The following CD300LF variants were observed in gnomAD, a reference collection of about 807,000 sequenced individuals.
CD300LF encodes CMRF35-like molecule 1.
A neutral mutation model predicts 32.2 loss-of-function variants in CD300LF; 27 were observed. The observed-to-expected ratio is 0.84, with a 90% CI of 0.62 to 1.15. The LOEUF (loss-of-function observed/expected upper bound fraction) is 1.15. Ranked by LOEUF, CD300LF falls within the 50% of genes most tolerant of loss-of-function variation. The pLI is 0.00. For missense variants in CD300LF, 348 were observed against 356.8 expected, an observed-to-expected ratio of 0.98 and a Z score of 0.20; for synonymous variants, 139 against 143.2, an observed-to-expected ratio of 0.97 and a Z score of 0.21.
chr17:74,705,832 C>T (rs922522079), intron 1 of CD300LF, among the ~76,000 whole-genome samples: 6 of 152,102 alleles, frequency 3.9e-5, no homozygotes, highest in Admixed American at 3.3e-4. Context: ...CGGGCTCAAG[C>T]GATCCACCCA....
intron 3 of CD300LF, among the ~76,000 whole-genome samples, chr17:74,700,726 T>C (rs147471984): frequency 7.2e-5 from 11 of 152,196 alleles, no homozygotes; most frequent in Non-Finnish European, 1.3e-4. Flanking sequence ...CACTCCAGCA[T>C]GGGTGACAGA....
chr17:74,704,668 G>C lies in CD300LF; in HGVS notation c.192C>G (p.Ile64Met). The C allele has an allele frequency of 6.2e-7, 1 of 1,614,138 alleles. No individual in the cohort carries two copies. Among genetic ancestry groups the C allele is most frequent in the Non-Finnish European group, 8.5e-7 (1 of 1,180,034 alleles). ...CRGAIWRDCK[I>M]LVKTSGSEQE... ...GCTCTGACCCACTGGTTTTAACAAGGATCTTGCAGTCACGCCAAATAGCTC... is the reference window on the plus strand; with the variant it reads ...GCTCTGACCCACTGGTTTTAACAAGCATCTTGCAGTCACGCCAAATAGCTC... Residue 64 changes from isoleucine (I) to methionine (M), a missense_variant, in exon 2 of 7, where the codon ATC becomes ATG. Coordinates refer to ENST00000326165, the MANE Select transcript of CD300LF (RefSeq NM_139018.5).
Position 74,695,713 on chromosome 17 carries a change from T to C in CD300LF, c.717+12A>G, listed in dbSNP as rs1333034998. 2 of 1,613,960 alleles carry C rather than the reference T, an allele frequency of 1.2e-6. No homozygotes were observed. The highest frequency in any genetic ancestry group is 1.1e-5 in the South Asian group (1 of 91,068). Reference sequence around the variant, plus strand: ...TGCCCCAGCCTCACAGCAGCCCCCATGGAGGACGCACCATGGTGACATATT... The same window carrying C: ...TGCCCCAGCCTCACAGCAGCCCCCACGGAGGACGCACCATGGTGACATATT... On this transcript the variant is annotated intron_variant, in intron 6 of 6. Coordinates refer to ENST00000326165, the MANE Select transcript of CD300LF (RefSeq NM_139018.5).
chr17:74,698,133 G>A (rs548580945), intron 4 of CD300LF, among the ~76,000 whole-genome samples: 41 of 152,348 alleles, frequency 2.7e-4, no homozygotes, highest in African/African-American at 9.9e-4. Flanking sequence ...GGATCAGAGA[G>A]AAGAGAAGGG....
At chr17:74,703,571 A>G (rs1008668961) in intron 2 of CD300LF, among the ~76,000 whole-genome samples, 1 of 152,202 alleles carries the variant, frequency 6.6e-6, no homozygotes, top group African/African-American at 2.4e-5. Context: ...TGAAATCATC[A>G]TATTCAGGAA....
At chr17:74,709,519 A>G (rs2033793162) in intron 1 of CD300LF, among the ~76,000 whole-genome samples, 1 of 152,142 alleles carries the variant, frequency 6.6e-6, no homozygotes, top group African/African-American at 2.4e-5. Flanking sequence ...TTTATTTTCC[A>G]CAATTAAAAA....
intron 1 of CD300LF, among the ~76,000 whole-genome samples, chr17:74,711,906 C>CTTTTTTTTTTTT (rs71361629): frequency 8.1e-6 from 1 of 123,670 alleles, no homozygotes; most frequent in African/African-American, 3.0e-5. Context: ...TTTCTTTTTT[C>CTTTTTTTTTTTT]TTTTTTTTTT....
Position 74,711,689 on chromosome 17 carries a change from G to C in CD300LF, c.43+1135C>G, listed in dbSNP as rs551088225. On this transcript the variant is annotated intron_variant, in intron 1 of 6. Coordinates refer to ENST00000326165, the MANE Select transcript of CD300LF (RefSeq NM_139018.5). ...TCCCTGTGCCTGGAAAGCTGGTCCC[G>C]ATCCTGTGTCTGATCCTTTTCCTAG... Among the ~76,000 whole-genome samples, 34 of 152,150 alleles carry C rather than the reference G, an allele frequency of 2.2e-4. No individual in the cohort carries two copies. In the East Asian group the frequency reaches 5.6e-3, roughly 25 times the overall value.
chr17:74,704,466 A>G lies in CD300LF; in HGVS notation c.382+12T>C, dbSNP rs768091668. On this transcript the variant is annotated intron_variant, in intron 2 of 6. Coordinates refer to ENST00000326165, the MANE Select transcript of CD300LF (RefSeq NM_139018.5). ...CCCTGAGAGACACACACATATATAC[A>G]CTCCCTCTTACCTGGGTCAATGGTC... The G allele has an allele frequency of 6.3e-7, 1 of 1,589,588 alleles. No homozygotes were observed. Among genetic ancestry groups the G allele is most frequent in the Non-Finnish European group, 8.6e-7 (1 of 1,162,700 alleles).
chr17:74,699,694 C>T (rs2143655260), intron 3 of CD300LF, among the ~76,000 whole-genome samples: 1 of 152,272 alleles, frequency 6.6e-6, no homozygotes, highest in East Asian at 1.9e-4. Flanking sequence ...CAATTCCTGG[C>T]CTCCTTAGCT....
intron 3 of CD300LF, among the ~76,000 whole-genome samples, chr17:74,700,168 TAAACAAAC>T (rs1358953735): frequency 1.3e-5 from 1 of 76,924 alleles, no homozygotes; most frequent in Non-Finnish European, 4.0e-5. Flanking sequence ...AATAAATAAA[TAAACAAAC>T]AAACAAACAA....
chr17:74,711,158 C>T (rs2033935491), intron 1 of CD300LF, among the ~76,000 whole-genome samples: 1 of 152,138 alleles, frequency 6.6e-6, no homozygotes, highest in Non-Finnish European at 1.5e-5. Context: ...AGCACACTTG[C>T]TGCTTGTGGG....
At chr17:74,695,923 A>G in intron 5 of CD300LF, 64 bp from the exon 6 acceptor site, 1 of 1,556,652 alleles carries the variant, frequency 6.4e-7, no homozygotes, top group South Asian at 1.2e-5. Context: ...TTCCTTTTCC[A>G]CGGTGGGACG....
chr17:74,708,427 T>G (rs2033687967), intron 1 of CD300LF, among the ~76,000 whole-genome samples: 1 of 152,142 alleles, frequency 6.6e-6, no homozygotes, highest in Admixed American at 6.6e-5. Flanking sequence ...TTTCACGAGA[T>G]TAACATAATC....
rs1567803431 is a variant in CD300LF at position 74,712,907 on chromosome 17, G to C, written c.-41C>G. On this transcript the variant is annotated 5_prime_UTR_variant, in exon 1 of 7. Transcript: ENST00000326165. ...GTCCCCGTTCCCCTCAGTGGAGCCTGGCAGCAGGAACAAACTACAGACTCC... is the reference window on the plus strand; with the variant it reads ...GTCCCCGTTCCCCTCAGTGGAGCCTCGCAGCAGGAACAAACTACAGACTCC... The C allele has an allele frequency of 6.2e-7, 1 of 1,607,768 alleles. No individual in the cohort carries two copies. The highest frequency in any genetic ancestry group is 2.2e-5 in the East Asian group (1 of 44,770).
At chr17:74,711,229 G>A (rs1346085086) in intron 1 of CD300LF, among the ~76,000 whole-genome samples, 2 of 152,044 alleles carry the variant, frequency 1.3e-5, no homozygotes, top group Non-Finnish European at 2.9e-5. Context: ...GTGGTATCCG[G>A]GCTCCATGTT....
At chr17:74,707,618 G>A (rs919689036) in intron 1 of CD300LF, among the ~76,000 whole-genome samples, 1 of 152,040 alleles carries the variant, frequency 6.6e-6, no homozygotes, top group Non-Finnish European at 1.5e-5. Context: ...GGGAGGCTGA[G>A]GTGGGAGAAT....
rs763815936 is a variant in CD300LF, at chr17:74,695,035, C to A, written c.*61G>T. On this transcript the variant is annotated 3_prime_UTR_variant, in exon 7 of 7. Coordinates refer to ENST00000326165, the MANE Select transcript of CD300LF (RefSeq NM_139018.5). The stretch of plus-strand genomic sequence containing the variant: ...CCTGATGAGGGGAGCAGGGGGCAGA[C>A]GGTCGATGAGGCAGGAGTGTGCTCA... The A allele has an allele frequency of 2.3e-5, 36 of 1,541,270 alleles. No homozygotes were observed. The highest frequency in any genetic ancestry group is 3.0e-5 in the Non-Finnish European group (34 of 1,138,502).
intron 3 of CD300LF, chr17:74,698,759 G>A (rs535889165): frequency 5.1e-6 from 3 of 586,388 alleles, no homozygotes; most frequent in Non-Finnish European, 8.3e-6. Context: ...CTACCTATTG[G>A]GTACTATACC....
Sources: gnomAD v4.1 joint callset for allele counts (sites outside exome capture counted in the v4.1 genomes callset) on GRCh38, gnomAD v4.1.1 for gene constraint, MANE v1.5 for transcripts, NCBI Gene and HGNC (gene_info 2026-07-23, HGNC 2026-07-21) for gene names.